BCOR: variants seen among roughly 807,000 people sequenced by gnomAD.
The protein encoded by BCOR is BCL6 corepressor.
In BCOR, 10 loss-of-function variants were observed where a neutral mutation model predicts 86.7. That is an observed-to-expected ratio of 0.12 (90% CI 0.07 to 0.20). The LOEUF is 0.20. Among genes scored for constraint, BCOR ranks in the 10% least tolerant of loss-of-function variants. The pLI, the probability that BCOR is intolerant of heterozygous loss-of-function variation, is 1.00. For synonymous variants in BCOR, 611 were observed against 609.0 expected (o/e 1.00, Z -0.05); for missense variants, 1,259 against 1,452.1 (o/e 0.87, Z 2.16).
chrX:40,108,006 C>T (rs1005954617), intron 1 of BCOR, among the ~76,000 whole-genome samples: 5 of 113,123 alleles, frequency 4.4e-5, no homozygotes, highest in Non-Finnish European at 7.5e-5. Context: ...AAGTCCTTCT[C>T]AACTCCTTCG....
chrX:40,062,534 T>C, intron 9 of BCOR, 141 bp from the exon 10 acceptor site: 1 of 857,581 alleles, frequency 1.2e-6, no homozygotes, highest in Non-Finnish European at 1.6e-6. Context: ...GGGGGGTGCC[T>C]GTCAAAGGAG....
intron 1 of BCOR, among the ~76,000 whole-genome samples, chrX:40,079,074 C>T (rs975825158): frequency 6.3e-5 from 7 of 111,287 alleles, no homozygotes; most frequent in South Asian, 3.8e-4. Flanking sequence ...CGATGGCCCT[C>T]GGCAATTCCC....
At chrX:40,148,761 C>T (rs956129810) in intron 1 of BCOR, among the ~76,000 whole-genome samples, 2 of 111,433 alleles carry the variant, frequency 1.8e-5, no homozygotes, top group Admixed American at 1.9e-4. Context: ...GGACAGATAG[C>T]ATCACCCCCA....
chrX:40,097,986 TC>T (rs1355245353), upstream of BCOR, among the ~76,000 whole-genome samples: 1 of 102,657 alleles, frequency 9.7e-6, no homozygotes, highest in African/African-American at 3.6e-5. Context: ...TCCCAACGCG[TC>T]CCCCCTCCCT....
chrX:40,156,025 G>T (rs1938286480), intron 1 of BCOR, among the ~76,000 whole-genome samples: 1 of 113,416 alleles, frequency 8.8e-6, no homozygotes, highest in Admixed American at 9.2e-5. Flanking sequence ...TTAGGAATCC[G>T]CGCGTCCTCC....
chrX:40,111,626 T>G (rs908419961), intron 1 of BCOR, among the ~76,000 whole-genome samples: 1 of 111,470 alleles, frequency 9.0e-6, no homozygotes, highest in African/African-American at 3.3e-5. Context: ...GGTCTACAGT[T>G]AAGGAAAAAA....
At chrX:40,170,326 ATTC>A (rs939215747) in intron 1 of BCOR, among the ~76,000 whole-genome samples, 2 of 107,064 alleles carry the variant, frequency 1.9e-5, no homozygotes, top group African/African-American at 6.8e-5. Flanking sequence ...ATAAATTTAT[ATTC>A]TTCTTCCGGT....
intron 1 of BCOR, among the ~76,000 whole-genome samples, chrX:40,160,964 C>T (rs1240270890): frequency 9.4e-6 from 1 of 105,880 alleles, no homozygotes; most frequent in Non-Finnish European, 1.9e-5. Flanking sequence ...CGTGAGTCAC[C>T]GAACTCGGCC....
rs1041380012 is a variant in BCOR at position 40,073,180 on chromosome X, C to G, written c.2166G>C (p.Leu722Phe). 42 of 1,212,302 alleles carry G rather than the reference C, an allele frequency of 3.5e-5. No homozygotes were observed. The highest frequency in any genetic ancestry group is 4.5e-5 in the Non-Finnish European group (40 of 895,616). ...GTATCAACATGGGATGCACCATGCC[C>G]AACCCCAGGGCATCTTGGTAGGTCA... The part of the protein sequence containing the change: ...EFVTYQDALG[L>F]GMVHPMLIPH... The change falls in exon 4 of 15, where the codon TTG becomes TTC. Residue 722 changes from leucine to phenylalanine, a missense_variant. Leu to Phe is a conservative substitution (Grantham distance 22, BLOSUM62 0). Coordinates refer to ENST00000378444, the MANE Select transcript of BCOR (RefSeq NM_001123385.2).
chrX:40,104,044 A>C (rs1196094769), intron 1 of BCOR, among the ~76,000 whole-genome samples: 1 of 111,482 alleles, frequency 9.0e-6, no homozygotes, highest in Non-Finnish European at 1.9e-5. Flanking sequence ...GAAAAGTCGC[A>C]CCTCGACTGC....
At chrX:40,153,588 C>G (rs1242897038) in intron 1 of BCOR, among the ~76,000 whole-genome samples, 1 of 112,133 alleles carries the variant, frequency 8.9e-6, no homozygotes, top group Non-Finnish European at 1.9e-5. Flanking sequence ...GCCTCGGAAG[C>G]TGAGACTAAG....
At chrX:40,159,171 G>T (rs1230705277) in intron 1 of BCOR, among the ~76,000 whole-genome samples, 3 of 111,968 alleles carry the variant, frequency 2.7e-5, no homozygotes, top group Non-Finnish European at 5.6e-5. Context: ...TGTTGTTTAG[G>T]AAAAATGATG....
rs1384289160 is a variant in BCOR, at chrX:40,051,851, G to A, written c.*258C>T. 2 of 280,206 alleles carry A rather than the reference G, an allele frequency of 7.1e-6. No homozygotes were observed. Among genetic ancestry groups the A allele is most frequent in the Non-Finnish European group, 1.2e-5 (2 of 160,493 alleles). 23.1% of individuals were successfully genotyped at this position (280,206 alleles called of 1,213,427 possible). ...AAAAGAAAAGAAACAAATGTTCCAAGTAAAAACAAACGTATCCCAAAGCAT... is the reference window on the plus strand; with the variant it reads ...AAAAGAAAAGAAACAAATGTTCCAAATAAAAACAAACGTATCCCAAAGCAT... On this transcript the variant is annotated 3_prime_UTR_variant, in exon 15 of 15. Transcript: ENST00000378444.
chrX:40,078,630 CAG>C (rs1345490805), intron 1 of BCOR, among the ~76,000 whole-genome samples: 4 of 112,353 alleles, frequency 3.6e-5, no homozygotes, highest in Non-Finnish European at 5.6e-5. Flanking sequence ...CTGGAAGCTG[CAG>C]AGAGAGGCGG....
intron 1 of BCOR, among the ~76,000 whole-genome samples, chrX:40,123,000 T>C (rs1390936954): frequency 1.8e-5 from 2 of 111,228 alleles, no homozygotes; most frequent in Non-Finnish European, 3.8e-5. Flanking sequence ...AGAGCCGTTA[T>C]CACATCTGAC....
At chrX:40,141,174 C>T (rs1354525692) in intron 1 of BCOR, among the ~76,000 whole-genome samples, 6 of 112,223 alleles carry the variant, frequency 5.3e-5, no homozygotes, top group Admixed American at 1.9e-4. Flanking sequence ...TTTTGGGGGG[C>T]GACGGGGCCT....
At chrX:40,075,749 ACT>A (rs1935778791) in intron 3 of BCOR, among the ~76,000 whole-genome samples, 1 of 111,496 alleles carries the variant, frequency 9.0e-6, no homozygotes, top group Admixed American at 9.4e-5. Context: ...ACACAGCGAG[ACT>A]CTGTCTCTAA....
At chrX:40,104,273 C>T (rs1189397936) in intron 1 of BCOR, among the ~76,000 whole-genome samples, 1 of 111,539 alleles carries the variant, frequency 9.0e-6, no homozygotes, top group African/African-American at 3.3e-5. Context: ...ACTATGTCAA[C>T]ATGAAGTGGT....
intron 1 of BCOR, among the ~76,000 whole-genome samples, chrX:40,105,947 T>C (rs1937171845): frequency 8.9e-6 from 1 of 112,501 alleles, no homozygotes; most frequent in African/African-American, 3.2e-5. Flanking sequence ...GCCCCCGCTC[T>C]CCAAACCAGA....
Sources: allele counts gnomAD v4.1 joint callset (sites outside exome capture counted in the v4.1 genomes callset), GRCh38; gene constraint gnomAD v4.1.1; transcripts MANE v1.5; gene names NCBI Gene and HGNC (gene_info 2026-07-23, HGNC 2026-07-21).